AFF3: variants seen among roughly 807,000 people sequenced by gnomAD.
The protein encoded by AFF3 is ALF transcription elongation factor 3.
A neutral mutation model predicts 129.7 loss-of-function variants in AFF3; 32 were observed. That is an observed-to-expected ratio of 0.25 (90% CI 0.19 to 0.33). The LOEUF is 0.33. AFF3 is among the 10% of genes least tolerant of loss of function. The pLI, the probability that AFF3 is intolerant of heterozygous loss-of-function variation, is 1.00. For missense variants in AFF3, 1,373 were observed against 1,592.0 expected (o/e 0.86, Z 2.34); for synonymous variants, 644 against 635.4 (o/e 1.01, Z -0.20).
At chr2:99,943,800 A>G (rs1221939044) in intron 7 of AFF3, among the ~76,000 whole-genome samples, 1 of 152,134 alleles carries the variant, frequency 6.6e-6, no homozygotes, top group African/African-American at 2.4e-5. Flanking sequence ...GGAGCTGATG[A>G]GTTTAGTGGA....
chr2:99,601,872 G>A (rs1679872633), intron 13 of AFF3, among the ~76,000 whole-genome samples: 2 of 152,164 alleles, frequency 1.3e-5, no homozygotes, highest in African/African-American at 2.4e-5. Flanking sequence ...CTGGTTATTC[G>A]TGTGGCCATT....
intron 7 of AFF3, among the ~76,000 whole-genome samples, chr2:99,974,543 G>T (rs947235311): frequency 6.6e-6 from 1 of 152,182 alleles, no homozygotes; most frequent in African/African-American, 2.4e-5. Flanking sequence ...GTGATGCACA[G>T]ATAACCCTCT....
rs563778158 is a variant in AFF3, at chr2:99,791,033, A to G, written c.922-38732T>C. ...TCAAAAACAGTTTGGTAAGTAAAAG[A>G]AACCAGGCACAAAGAGTATATTCCA... On this transcript the variant is annotated intron_variant, in intron 8 of 24. Transcript: ENST00000672756. 3.3e-5 allele frequency among the ~76,000 whole-genome samples: 5 copies of G among 152,350 alleles called. No individual in the cohort carries two copies. The South Asian group carries it at 1.0e-3, about 32-fold the overall frequency.
chr2:99,976,775 A>C (rs756728837), intron 7 of AFF3, among the ~76,000 whole-genome samples: 4 of 151,346 alleles, frequency 2.6e-5, no homozygotes, highest in Non-Finnish European at 4.4e-5. Flanking sequence ...TTTTCAGTAG[A>C]AAACCCATTT....
chr2:100,104,784 C>A, intron 3 of AFF3: 1 of 851,184 alleles, frequency 1.2e-6, no homozygotes, highest in Non-Finnish European at 1.4e-6. Flanking sequence ...CGCGGCGGCC[C>A]GGCCCGCTGC....
chr2:99,772,825 G>A (rs1453945645), intron 8 of AFF3, among the ~76,000 whole-genome samples: 6 of 152,190 alleles, frequency 3.9e-5, no homozygotes, highest in Admixed American at 2.6e-4. Context: ...GGGAAAGGCC[G>A]TCAATCCTGA....
Position 100,129,726 on chromosome 2 carries a change from C to T in AFF3, c.-227-420G>A, listed in dbSNP as rs903656827. Among the ~76,000 whole-genome samples, 8 of 152,228 alleles carry T rather than the reference C, an allele frequency of 5.3e-5. No homozygotes were observed. In the South Asian group the frequency reaches 6.2e-4, roughly 12 times the overall value. On this transcript the variant is annotated intron_variant, in intron 1 of 24. Transcript: ENST00000672756. ...TTTTACTGAGCGCTTAGCATGTTCC[C>T]GGAACTCTAAATGAATTGGATACAG... is the stretch of plus-strand genomic sequence containing the variant.
chr2:100,032,589 G>A (rs1402012327), intron 4 of AFF3, among the ~76,000 whole-genome samples: 1 of 152,120 alleles, frequency 6.6e-6, no homozygotes, highest in Non-Finnish European at 1.5e-5. Context: ...TTCAGAAAAA[G>A]AAAATATGAA....
At chr2:99,979,407 T>C (rs1305811756) in intron 7 of AFF3, among the ~76,000 whole-genome samples, 2 of 152,158 alleles carry the variant, frequency 1.3e-5, no homozygotes, top group Admixed American at 6.5e-5. Context: ...AGAAGTCTCA[T>C]AAACCATGAG....
intron 7 of AFF3, among the ~76,000 whole-genome samples, chr2:99,919,235 T>G (rs531282764): frequency 9.9e-5 from 15 of 152,188 alleles, no homozygotes; most frequent in Non-Finnish European, 2.1e-4. Flanking sequence ...TGTTTATCTC[T>G]TAAGTGTAAT....
At chr2:100,064,853 A>G (rs562746931) in intron 4 of AFF3, among the ~76,000 whole-genome samples, 36 of 152,324 alleles carry the variant, frequency 2.4e-4, no homozygotes, top group African/African-American at 7.5e-4. Context: ...AATTCTATAG[A>G]TTCATTATGA....
At chr2:99,680,500 G>A (rs985949282) in intron 11 of AFF3, among the ~76,000 whole-genome samples, 1 of 152,146 alleles carries the variant, frequency 6.6e-6, no homozygotes, top group Non-Finnish European at 1.5e-5. Flanking sequence ...AGATTTGGTG[G>A]TGGACATTAC....
Position 99,546,791 on chromosome 2 carries a change from C to A in AFF3, c.*4683G>T, listed in dbSNP as rs557754309. On this transcript the variant is annotated 3_prime_UTR_variant, in exon 25 of 25. Coordinates refer to ENST00000672756, the MANE Select transcript of AFF3 (RefSeq NM_001386135.1). ...GTTTCAGTTGTGTGCAGTTCCCTGA[C>A]TGCACACAAGTCAGGGAACTAACTT... 1.4e-3 allele frequency: 291 copies of A among 215,260 alleles called. 2 individuals are homozygous for A. The highest frequency in any genetic ancestry group is 2.3e-3 in the Non-Finnish European group (249 of 106,794). 13.3% of individuals were successfully genotyped at this position (215,260 alleles called of 1,614,324 possible).
chr2:99,906,697 C>T (rs1038151434), intron 7 of AFF3, among the ~76,000 whole-genome samples: 2 of 152,130 alleles, frequency 1.3e-5, no homozygotes, highest in Non-Finnish European at 2.9e-5. Flanking sequence ...TACTGGTGGA[C>T]TTCAGCTTCA....
At chr2:100,016,600 T>A (rs1350615828) in intron 4 of AFF3, among the ~76,000 whole-genome samples, 3 of 147,848 alleles carry the variant, frequency 2.0e-5, no homozygotes, top group Non-Finnish European at 4.4e-5. Flanking sequence ...ATGGTGGTGG[T>A]GGTAGTGGTG....
chr2:99,882,139 G>T (rs1004743109), intron 7 of AFF3, among the ~76,000 whole-genome samples: 23 of 149,916 alleles, frequency 1.5e-4, no homozygotes, highest in African/African-American at 5.7e-4. Flanking sequence ...ATCATTCTTC[G>T]CATTCTTTGG....
chr2:100,142,256 A>G (rs1445554842), intron 1 of AFF3, among the ~76,000 whole-genome samples: 1 of 151,962 alleles, frequency 6.6e-6, no homozygotes, highest in Non-Finnish European at 1.5e-5. Context: ...TGACGGCTTC[A>G]GTGACCAACT....
At chr2:99,665,946 G>A (rs1686635356) in intron 12 of AFF3, among the ~76,000 whole-genome samples, 1 of 152,166 alleles carries the variant, frequency 6.6e-6, no homozygotes, top group Non-Finnish European at 1.5e-5. Context: ...TGGCTCTACA[G>A]AGGTCATTGG....
intron 9 of AFF3, among the ~76,000 whole-genome samples, chr2:99,748,823 A>G (rs571249502): frequency 3.9e-5 from 6 of 152,320 alleles, no homozygotes; most frequent in Admixed American, 1.3e-4. Flanking sequence ...GGCTACCATT[A>G]TTACTTTCTT....
Sources: allele counts gnomAD v4.1 joint callset (sites outside exome capture counted in the v4.1 genomes callset), GRCh38; gene constraint gnomAD v4.1.1; transcripts MANE v1.5; gene names NCBI Gene and HGNC (gene_info 2026-07-23, HGNC 2026-07-21).